Variants in PKIB observed in about 807,000 individuals in gnomAD.
PKIB encodes PKI-beta.
Under a neutral mutation model 4.5 loss-of-function variants are expected in PKIB, and 2 were observed. The observed-to-expected ratio is 0.44, with a 90% CI of 0.18 to 1.39. The LOEUF (loss-of-function observed/expected upper bound fraction) is 1.39, where lower values mean the gene tolerates loss of function less well. PKIB is among the 40% of genes most tolerant of loss of function. The pLI is 0.27. For synonymous variants in PKIB, 38 were observed against 36.0 expected (o/e 1.06, Z -0.20); for missense variants, 94 against 92.6 (o/e 1.02, Z -0.06).
chr6:122,681,373 T>C (rs1777889344), intron 3 of PKIB, among the ~76,000 whole-genome samples: 1 of 152,230 alleles, frequency 6.6e-6, no homozygotes. Context: ...TTATATTTGA[T>C]CATTTGGTAA....
chr6:122,499,771 C>A (rs1301346316), intron 2 of PKIB, among the ~76,000 whole-genome samples: 1 of 152,124 alleles, frequency 6.6e-6, no homozygotes, highest in East Asian at 1.9e-4. Context: ...AGCCAAATTT[C>A]ATCTCTTTTT....
intron 2 of PKIB, among the ~76,000 whole-genome samples, chr6:122,555,392 G>T (rs1659028665): frequency 6.6e-6 from 1 of 152,220 alleles, no homozygotes; most frequent in Non-Finnish European, 1.5e-5. Context: ...CATAAAAACA[G>T]TTGGAAGTAA....
intron 3 of PKIB, among the ~76,000 whole-genome samples, chr6:122,604,938 C>T (rs1774480203): frequency 6.6e-6 from 1 of 152,170 alleles, no homozygotes; most frequent in South Asian, 2.1e-4. Context: ...TCTTTCCCAT[C>T]CTTCTGCTTC....
intron 2 of PKIB, among the ~76,000 whole-genome samples, chr6:122,667,520 A>G (rs1777278330): frequency 1.3e-5 from 1 of 75,566 alleles, no homozygotes; most frequent in African/African-American, 4.9e-5. Flanking sequence ...CTGGGGGACA[A>G]AGCAAGACTG....
chr6:122,712,235 C>T (rs982411913), intron 3 of PKIB, among the ~76,000 whole-genome samples: 1 of 152,118 alleles, frequency 6.6e-6, no homozygotes, highest in Non-Finnish European at 1.5e-5. Context: ...TCACCAGACT[C>T]TGGGTTCCTC....
intron 2 of PKIB, among the ~76,000 whole-genome samples, chr6:122,553,962 T>C (rs952059005): frequency 1.3e-5 from 2 of 152,184 alleles, no homozygotes; most frequent in Non-Finnish European, 1.5e-5. Flanking sequence ...ACACAGATGC[T>C]TCTAGTTTAG....
chr6:122,670,482 T>C (rs980981989), intron 2 of PKIB, among the ~76,000 whole-genome samples: 6 of 141,932 alleles, frequency 4.2e-5, no homozygotes, highest in African/African-American at 1.7e-4. Context: ...TTCTTTCTTA[T>C]AAGGAATCAC....
At chr6:122,643,528 G>A (rs529154154) in intron 2 of PKIB, 2 of 134,548 alleles carry the variant, frequency 1.5e-5, no homozygotes, top group East Asian at 2.0e-4. Context: ...GATCTCTCAT[G>A]TGTTAAGTTT....
At chr6:122,537,698 G>A (rs542715640) in intron 2 of PKIB, among the ~76,000 whole-genome samples, 1 of 151,694 alleles carries the variant, frequency 6.6e-6, no homozygotes, top group Admixed American at 6.6e-5. Context: ...ATACCCGTAA[G>A]GGGATGGCTG....
intron 2 of PKIB, among the ~76,000 whole-genome samples, chr6:122,638,360 G>T (rs17084680): frequency 6.6e-6 from 1 of 151,992 alleles, no homozygotes. Context: ...ATAATTACTA[G>T]ACTCTGAGGA....
At position 122,543,071 on chromosome 6, in the gene PKIB, G is replaced by A. The variant is rs746645147; in HGVS notation, c.-247-42850G>A. ...CATTTTTTAAGCCCGTTGGAAAAGCGCAGTATTAGGGTGGGAGTGACCTGA... is the reference window on the plus strand; with the variant it reads ...CATTTTTTAAGCCCGTTGGAAAAGCACAGTATTAGGGTGGGAGTGACCTGA... On this transcript the variant is annotated intron_variant, in intron 2 of 6. Coordinates refer to the PKIB transcript ENST00000392491. Among the ~76,000 whole-genome samples, 50 of 152,142 alleles carry A rather than the reference G, an allele frequency of 3.3e-4. 1 individual carries two copies. Among genetic ancestry groups the A allele is most frequent in the Non-Finnish European group, 5.4e-4 (37 of 68,026 alleles).
chr6:122,553,827 A>G (rs1034621140), intron 2 of PKIB, among the ~76,000 whole-genome samples: 1 of 152,148 alleles, frequency 6.6e-6, no homozygotes. Context: ...ACTCTTCCTT[A>G]ATGTGCAGCT....
intron 2 of PKIB, among the ~76,000 whole-genome samples, chr6:122,654,556 T>C (rs1776694791): frequency 6.6e-6 from 1 of 152,208 alleles, no homozygotes; most frequent in Non-Finnish European, 1.5e-5. Context: ...AGGTCTGCTA[T>C]GTACAGGGTT....
intron 2 of PKIB, among the ~76,000 whole-genome samples, chr6:122,566,646 C>T (rs1773204767): frequency 7.0e-6 from 1 of 142,660 alleles, no homozygotes; most frequent in African/African-American, 2.7e-5. Context: ...CCCTCCCTTC[C>T]TTCCTGCCTT....
At chr6:122,492,820 G>T (rs1775976328) in intron 2 of PKIB, among the ~76,000 whole-genome samples, 1 of 147,330 alleles carries the variant, frequency 6.8e-6, no homozygotes, top group South Asian at 2.2e-4. Context: ...TGGAAGCTTT[G>T]GTTTCCTTTT....
chr6:122,484,165 TAAAG>T (rs1348080546), intron 2 of PKIB: 3 of 122,764 alleles, frequency 2.4e-5, no homozygotes, highest in African/African-American at 9.2e-5. Context: ...TTGAAGTAAA[TAAAG>T]AAAAAAAAAG....
intron 2 of PKIB, among the ~76,000 whole-genome samples, chr6:122,536,614 C>G (rs1055684057): frequency 2.6e-5 from 4 of 151,916 alleles, no homozygotes; most frequent in Admixed American, 2.6e-4. Context: ...TGCATTGATT[C>G]CTAAAGATCC....
At chr6:122,475,222 G>T (rs888254297) in intron 1 of PKIB, among the ~76,000 whole-genome samples, 3 of 152,092 alleles carry the variant, frequency 2.0e-5, no homozygotes, top group African/African-American at 7.2e-5. Flanking sequence ...GGGATTACAG[G>T]CGTGTACCAA....
chr6:122,577,642 G>A (rs894158444), intron 2 of PKIB, among the ~76,000 whole-genome samples: 5 of 152,136 alleles, frequency 3.3e-5, no homozygotes, highest in African/African-American at 1.2e-4. Flanking sequence ...GGGCGCTGTG[G>A]CTCATGCCTG....
Sources: gnomAD v4.1 joint callset for allele counts (sites outside exome capture counted in the v4.1 genomes callset) on GRCh38, gnomAD v4.1.1 for gene constraint, MANE v1.5 for transcripts, NCBI Gene and HGNC (gene_info 2026-07-23, HGNC 2026-07-21) for gene names.